The following LRTM1 variants were observed in gnomAD, a reference collection of about 807,000 sequenced individuals.
LRTM1 encodes leucine rich repeat transmembrane protein 1, also known as leucine-rich repeat and transmembrane domain-containing protein 1.
LRTM1 carries 38 observed loss-of-function variants against 32.4 expected under a neutral mutation model. The observed-to-expected ratio is 1.17, with a 90% CI of 0.91 to 1.54. The LOEUF is 1.54. Ranked by LOEUF, LRTM1 falls within the 40% of genes most tolerant of loss-of-function variation. The probability of loss-of-function intolerance (pLI) is 0.00; values close to 1 mark genes in which losing one functional copy is unlikely to be tolerated. For synonymous variants in LRTM1, 186 were observed against 169.9 expected (o/e 1.09, Z -0.74); for missense variants, 466 against 415.4 (o/e 1.12, Z -1.06).
intron 1 of LRTM1, among the ~76,000 whole-genome samples, chr3:54,945,689 G>A (rs1290050396): frequency 6.6e-6 from 1 of 152,168 alleles, no homozygotes; most frequent in Non-Finnish European, 1.5e-5. Flanking sequence ...CCAAATGCAG[G>A]TTTGACAGTG....
At chr3:54,962,398 C>T (rs574241197) in intron 1 of LRTM1, among the ~76,000 whole-genome samples, 7 of 152,130 alleles carry the variant, frequency 4.6e-5, no homozygotes, top group Non-Finnish European at 1.0e-4. Flanking sequence ...TCTGCTCACT[C>T]TCAACATAAT....
chr3:54,921,313 G>A (rs556956307), intron 2 of LRTM1, among the ~76,000 whole-genome samples: 73 of 152,228 alleles, frequency 4.8e-4, no homozygotes, highest in African/African-American at 1.8e-3. Context: ...TGGGAGATGA[G>A]GATAATTAAA....
chr3:54,918,240 A>T lies in LRTM1; in HGVS notation c.*219T>A. On this transcript the variant is annotated 3_prime_UTR_variant, in exon 3 of 3. Transcript: ENST00000273286. ...TAATAACTTCCCAGGCCCAGAGCAC[A>T]AGTATCATCTTTATTTTACCTATAG... 1.9e-6 allele frequency: 1 copy of T among 520,792 alleles called. No individual in the cohort carries two copies. The allele number at this position is 520,792 out of a possible 1,614,324, so 32.3% of individuals were successfully genotyped here. A position where few individuals can be genotyped will look rare whatever the true frequency, so the allele number is the denominator to read the frequency against.
At chr3:54,936,902 A>G (rs1480876420) in intron 1 of LRTM1, among the ~76,000 whole-genome samples, 1 of 152,128 alleles carries the variant, frequency 6.6e-6, no homozygotes, top group African/African-American at 2.4e-5. Flanking sequence ...AGGAGAAAAT[A>G]AACTCCGTGT....
chr3:54,931,970 C>T (rs1035642595), upstream of LRTM1, among the ~76,000 whole-genome samples: 6 of 152,032 alleles, frequency 3.9e-5, no homozygotes, highest in Non-Finnish European at 7.4e-5. Flanking sequence ...CACTTGAGTC[C>T]AGGAGTTCAA....
intron 1 of LRTM1, among the ~76,000 whole-genome samples, chr3:54,965,838 A>G (rs1702135934): frequency 6.6e-6 from 1 of 152,008 alleles, no homozygotes; most frequent in African/African-American, 2.4e-5. Context: ...CAACAACCTC[A>G]TGGTGCAGGC....
intron 1 of LRTM1, among the ~76,000 whole-genome samples, chr3:54,960,464 G>A (rs886887061): frequency 2.0e-5 from 3 of 152,052 alleles, no homozygotes; most frequent in Admixed American, 2.0e-4. Context: ...TAAAATATGA[G>A]GTGTTTCTGC....
At chr3:54,949,799 GA>G (rs1484678387) in intron 1 of LRTM1, among the ~76,000 whole-genome samples, 2 of 116,978 alleles carry the variant, frequency 1.7e-5, no homozygotes, top group Non-Finnish European at 3.7e-5. Flanking sequence ...CTGGATGGAA[GA>G]CTTTTTTTGC....
intron 1 of LRTM1, among the ~76,000 whole-genome samples, chr3:54,957,260 G>A (rs554841807): frequency 9.3e-4 from 141 of 152,006 alleles, no homozygotes; most frequent in African/African-American, 3.2e-3. Flanking sequence ...CCTGGGCTCA[G>A]GTGATCTTCC....
upstream of LRTM1, among the ~76,000 whole-genome samples, chr3:54,931,161 C>A (rs528968587): frequency 1.8e-4 from 27 of 152,290 alleles, no homozygotes; most frequent in Non-Finnish European, 2.6e-4. Context: ...TTCAAAGAGT[C>A]TGAGCTGGCT....
chr3:54,921,252 C>T (rs989260411), intron 2 of LRTM1, among the ~76,000 whole-genome samples: 3 of 152,058 alleles, frequency 2.0e-5, no homozygotes, highest in South Asian at 2.1e-4. Flanking sequence ...GCTGTGCAGC[C>T]GTGAAAAACT....
upstream of LRTM1, among the ~76,000 whole-genome samples, chr3:54,930,025 G>A (rs1164095463): frequency 6.6e-6 from 1 of 152,160 alleles, no homozygotes; most frequent in Non-Finnish European, 1.5e-5. Context: ...TAGACCTTAA[G>A]AGCCATCAGT....
intron 1 of LRTM1, among the ~76,000 whole-genome samples, chr3:54,959,990 A>G (rs1000794973): frequency 6.6e-6 from 1 of 151,962 alleles, no homozygotes; most frequent in East Asian, 1.9e-4. Context: ...CCAGTCAAGT[A>G]ATTAGAACCC....
intron 1 of LRTM1, among the ~76,000 whole-genome samples, chr3:54,944,148 C>T (rs567250145): frequency 6.6e-6 from 1 of 152,268 alleles, no homozygotes; most frequent in East Asian, 1.9e-4. Flanking sequence ...ATTGCCCAGC[C>T]TCCACCCTAG....
At chr3:54,964,870 A>G (rs1433692788) in intron 1 of LRTM1, among the ~76,000 whole-genome samples, 1 of 151,932 alleles carries the variant, frequency 6.6e-6, no homozygotes, top group Non-Finnish European at 1.5e-5. Context: ...TTCACGCTCA[A>G]GAAATAATGA....
chr3:54,920,466 G>A (rs550478745), intron 2 of LRTM1, among the ~76,000 whole-genome samples: 1 of 152,170 alleles, frequency 6.6e-6, no homozygotes, highest in African/African-American at 2.4e-5. Context: ...TGAGGAAACA[G>A]TCCTCACCCT....
chr3:54,928,805 G>A (rs1701104572), upstream of LRTM1, among the ~76,000 whole-genome samples: 1 of 151,878 alleles, frequency 6.6e-6, no homozygotes, highest in African/African-American at 2.4e-5. Flanking sequence ...TGAGGTCCTG[G>A]CCCTTCCCTC....
upstream of LRTM1, among the ~76,000 whole-genome samples, chr3:54,930,957 G>T (rs556636204): frequency 1.3e-5 from 2 of 152,170 alleles, 1 homozygote; most frequent in South Asian, 4.1e-4. Context: ...TTAGCTGGGC[G>T]TGATGGTGGC....
intron 1 of LRTM1, among the ~76,000 whole-genome samples, chr3:54,939,038 C>G (rs765968759): frequency 6.6e-6 from 1 of 152,192 alleles, no homozygotes; most frequent in Non-Finnish European, 1.5e-5. Context: ...GATGCTACCT[C>G]TCCATTTGGG....
Sources: gnomAD v4.1 joint callset for allele counts (sites outside exome capture counted in the v4.1 genomes callset) on GRCh38, gnomAD v4.1.1 for gene constraint, MANE v1.5 for transcripts, NCBI Gene and HGNC (gene_info 2026-07-23, HGNC 2026-07-21) for gene names.